Variants in TSEN34 observed in about 807,000 individuals in gnomAD.
TSEN34 encodes tRNA splicing endonuclease subunit 34.
A neutral mutation model predicts 30.2 loss-of-function variants in TSEN34; 25 were observed. The ratio of observed to expected loss-of-function variants is 0.83; its 90% CI spans 0.60 to 1.16. The LOEUF (loss-of-function observed/expected upper bound fraction) is 1.16. Ranked by LOEUF, TSEN34 falls within the 50% of genes most tolerant of loss-of-function variation. The pLI, the probability that TSEN34 is intolerant of heterozygous loss-of-function variation, is 0.00. For missense variants in TSEN34, 475 were observed against 411.9 expected, an observed-to-expected ratio of 1.15 and a Z score of -1.33; for synonymous variants, 209 against 177.4, an observed-to-expected ratio of 1.18 and a Z score of -1.41.
chr19:54,193,296 C>CCTCTG lies in TSEN34; in HGVS notation c.868_872dup (p.Pro293ValfsTer101). On this transcript the variant is annotated frameshift_variant, in exon 4 of 4. Transcript: ENST00000396388. LOFTEE classifies it high-confidence loss of function. ...GAACCAGCGTCAGAAAGACCCTGCTCCTCTGTTCTCCGCAGCCTGATGGTA... is the reference window on the plus strand; with the variant it reads ...GAACCAGCGTCAGAAAGACCCTGCTCCTCTGCTCTGTTCTCCGCAGCCTGATGGTA... 1 of 1,614,178 alleles carries CCTCTG rather than the reference C, an allele frequency of 6.2e-7. No homozygotes were observed. The highest frequency in any genetic ancestry group is 8.5e-7 in the Non-Finnish European group (1 of 1,180,038).
At chr19:54,189,958 G>T, upstream of TSEN34, 1 of 351,562 alleles carries the variant, frequency 2.8e-6, no homozygotes, top group Admixed American at 4.7e-5. Context: ...GGTTTACTTC[G>T]TAGATAGTTG....
rs749845322 is a variant in TSEN34 at position 54,193,215 on chromosome 19, C to G, written c.786C>G (p.Cys262Trp). 1 of 1,614,052 alleles carries G rather than the reference C, an allele frequency of 6.2e-7. No homozygotes were observed. The highest frequency in any genetic ancestry group is 8.5e-7 in the Non-Finnish European group (1 of 1,180,032). ...LRFHAHYIAQ[C>W]WAPEDTIPLQ... ...TCCACGCCCATTATATCGCTCAGTG[C>G]TGGGCCCCTGAGGACACCATCCCAC... The change falls in exon 4 of 4, where the codon TGC becomes TGG. Residue 262 changes from cysteine (C) to tryptophan (W), a missense_variant. By Grantham distance (215) the Cys-to-Trp change is radical. Coordinates refer to ENST00000396388, the MANE Select transcript of TSEN34 (RefSeq NM_001077446.4).
At position 54,194,470 on chromosome 19, in the gene TSEN34, T is replaced by G. The variant is rs151188217; in HGVS notation, c.*1108T>G. 14 of 152,318 alleles carry G rather than the reference T, an allele frequency of 9.2e-5. No homozygotes were observed. In the East Asian group the frequency reaches 2.7e-3, roughly 29 times the overall value. 9.4% of individuals were successfully genotyped at this position (152,318 alleles called of 1,614,324 possible). The stretch of plus-strand genomic sequence containing the variant: ...CACTTATGAAATCATTTACCCATGT[T>G]TTTGCTTAAGAAAGTACTAGAACAC... On this transcript the variant is annotated 3_prime_UTR_variant, in exon 4 of 4. Coordinates refer to ENST00000396388, the MANE Select transcript of TSEN34 (RefSeq NM_001077446.4).
rs1340469612 is a variant in TSEN34, at chr19:54,191,729, A to C, written c.252A>C (p.Thr84=). The C allele has an allele frequency of 6.2e-7, 1 of 1,614,038 alleles. No individual in the cohort carries two copies. Among genetic ancestry groups the C allele is most frequent in the Admixed American group, 1.7e-5 (1 of 60,030 alleles). The stretch of plus-strand genomic sequence containing the variant: ...CGAAGTGTGCTTCTCAGGCCCTGAC[A>C]TCCTTCAAGCGCCAGCAAGAGGAGA... ...PDSRHHSLAL[T]SFKRQQEESF... Residue 84 remains threonine, a synonymous_variant, in exon 2 of 4, where the codon ACA becomes ACC. Transcript: ENST00000396388.
At chr19:54,190,292 C>T, upstream of TSEN34, 1 of 1,366,348 alleles carries the variant, frequency 7.3e-7, no homozygotes, top group Non-Finnish European at 1.0e-6. Flanking sequence ...AGGGTGTCGG[C>T]ATGAGGGGGT....
upstream of TSEN34, chr19:54,190,187 G>A: frequency 1.6e-6 from 1 of 607,804 alleles, no homozygotes; most frequent in Non-Finnish European, 2.9e-6. Flanking sequence ...GCGGAGCCAA[G>A]GTGGCCCCCG....
Position 54,191,818 on chromosome 19 carries a change from A to G in TSEN34, c.341A>G (p.Glu114Gly). The change falls in exon 2 of 4, where the codon GAG becomes GGG. Residue 114 changes from glutamate (E) to glycine (G), a missense_variant. Glu to Gly is a moderately conservative substitution (Grantham distance 98). Coordinates refer to ENST00000396388, the MANE Select transcript of TSEN34 (RefSeq NM_001077446.4). ...ARETRRQELLEKITEGQAAKK... is the reference protein window; with the variant it reads ...ARETRRQELLGKITEGQAAKK... ...GAGACCCGTCGTCAGGAGCTCCTGG[A>G]GAAGATTACGGAGGGCCAGGCTGCT... The G allele has an allele frequency of 1.2e-6, 2 of 1,614,142 alleles. No homozygotes were observed. The highest frequency in any genetic ancestry group is 1.7e-5 in the Admixed American group (1 of 60,016).
At chr19:54,190,140 A>T (rs1219627566), upstream of TSEN34, 4 of 558,550 alleles carry the variant, frequency 7.2e-6, no homozygotes. Context: ...TCCCAAGTAG[A>T]GGAGAGGAAG....
Position 54,193,791 on chromosome 19 carries a change from G to T in TSEN34, c.*429G>T. ...AAGTCACACACTTAGTAAATAGCAGGCCTGGCCTTTCAAAATTGGTTTTTC... is the reference window on the plus strand; with the variant it reads ...AAGTCACACACTTAGTAAATAGCAGTCCTGGCCTTTCAAAATTGGTTTTTC... On this transcript the variant is annotated 3_prime_UTR_variant, in exon 4 of 4. Coordinates refer to ENST00000396388, the MANE Select transcript of TSEN34 (RefSeq NM_001077446.4). 1.5e-6 allele frequency: 1 copy of T among 651,478 alleles called. No individual in the cohort carries two copies. The highest frequency in any genetic ancestry group is 2.8e-6 in the Non-Finnish European group (1 of 361,708). 40.4% of individuals were successfully genotyped at this position (651,478 alleles called of 1,614,324 possible). A position where few individuals can be genotyped will look rare whatever the true frequency, so the allele number is the denominator to read the frequency against.
At chr19:54,190,451 G>T (rs1284231650), upstream of TSEN34, 3 of 1,417,832 alleles carry the variant, frequency 2.1e-6, no homozygotes, top group African/African-American at 3.0e-5. Flanking sequence ...CCCAATTGGG[G>T]TGAGCCCGCC....
chr19:54,193,791 G>C lies in TSEN34; in HGVS notation c.*429G>C. On this transcript the variant is annotated 3_prime_UTR_variant, in exon 4 of 4. Coordinates refer to ENST00000396388, the MANE Select transcript of TSEN34 (RefSeq NM_001077446.4). ...AAGTCACACACTTAGTAAATAGCAG[G>C]CCTGGCCTTTCAAAATTGGTTTTTC... 3.1e-6 allele frequency: 2 copies of C among 651,478 alleles called. No individual in the cohort carries two copies. Among genetic ancestry groups the C allele is most frequent in the Non-Finnish European group, 5.5e-6 (2 of 361,708 alleles). 40.4% of individuals were successfully genotyped at this position (651,478 alleles called of 1,614,324 possible).
In TSEN34 at chr19:54,194,249, G is replaced by A. The variant is rs1443881126; in HGVS notation, c.*887G>A. The stretch of plus-strand genomic sequence containing the variant: ...TGTATATATATATATATTATGAAAG[G>A]AAATGAGTATTGTAATTTTAGGAGT... On this transcript the variant is annotated 3_prime_UTR_variant, in exon 4 of 4. Transcript: ENST00000396388. 1.3e-5 allele frequency: 2 copies of A among 151,716 alleles called. No individual in the cohort carries two copies. Among genetic ancestry groups the A allele is most frequent in the Admixed American group, 1.3e-4 (2 of 15,186 alleles). The allele number at this position is 151,716 out of a possible 1,614,324, so 9.4% of individuals were successfully genotyped here.
upstream of TSEN34, chr19:54,191,291 T>G: frequency 1.9e-6 from 3 of 1,541,918 alleles, no homozygotes; most frequent in Non-Finnish European, 2.6e-6. Context: ...CCCCGGAGGC[T>G]TTGGGTGCGC....
Position 54,191,812 on chromosome 19 carries a change from T to C in TSEN34, c.335T>C (p.Leu112Pro). ...GCCCGGGAGACCCGTCGTCAGGAGC[T>C]CCTGGAGAAGATTACGGAGGGCCAG... is the stretch of plus-strand genomic sequence containing the variant. ...AEARETRRQELLEKITEGQAA... is the reference protein window; with the variant it reads ...AEARETRRQEPLEKITEGQAA... Residue 112 changes from leucine to proline, a missense_variant, in exon 2 of 4, where the codon CTC (leucine) becomes CCC (proline). Transcript: ENST00000396388. 1 of 1,614,052 alleles carries C rather than the reference T, an allele frequency of 6.2e-7. No individual in the cohort carries two copies. The highest frequency in any genetic ancestry group is 8.5e-7 in the Non-Finnish European group (1 of 1,179,994).
upstream of TSEN34, chr19:54,191,011 T>G: frequency 8.8e-7 from 1 of 1,130,704 alleles, no homozygotes. Context: ...TTGCGGAGGT[T>G]TGTTTTTCAC....
At chr19:54,190,491 G>A (rs16985461), upstream of TSEN34, 89 of 1,378,560 alleles carry the variant, frequency 6.5e-5, 1 homozygote, top group East Asian at 2.6e-3. Flanking sequence ...GGGTGTCCAG[G>A]GGGCGGGGCT....
rs2076711530 is a variant in TSEN34 at position 54,191,762 on chromosome 19, G to A, written c.285G>A (p.Gln95=). 1 of 1,614,190 alleles carries A rather than the reference G, an allele frequency of 6.2e-7. No homozygotes were observed. Among genetic ancestry groups the A allele is most frequent in the South Asian group, 1.1e-5 (1 of 91,090 alleles). The change falls in exon 2 of 4, where the codon CAG becomes CAA. Residue 95 remains glutamine (Q), a synonymous_variant. Transcript: ENST00000396388. Reference sequence around the variant, plus strand: ...AGCGCCAGCAAGAGGAGAGCTTCCAGGAGCAGAGCGCCTTGGCAGCTGAGG... The same window carrying A: ...AGCGCCAGCAAGAGGAGAGCTTCCAAGAGCAGAGCGCCTTGGCAGCTGAGG... The part of the protein sequence containing the change: ...SFKRQQEESF[Q]EQSALAAEAR...
Position 54,192,378 on chromosome 19 carries a change from G to A in TSEN34, c.745+5G>A, listed in dbSNP as rs909808291. ...GTGACTTCCTGGTCTATCCTGGTGAGTATGGGTTGGGGCCTCTGGTTGCTG... is the reference window on the plus strand; with the variant it reads ...GTGACTTCCTGGTCTATCCTGGTGAATATGGGTTGGGGCCTCTGGTTGCTG... On this transcript the variant is annotated splice_donor_5th_base_variant and intron_variant, in intron 3 of 3. Coordinates refer to ENST00000396388, the MANE Select transcript of TSEN34 (RefSeq NM_001077446.4). The A allele has an allele frequency of 6.2e-7, 1 of 1,614,114 alleles. No individual in the cohort carries two copies. Among genetic ancestry groups the A allele is most frequent in the Non-Finnish European group, 8.5e-7 (1 of 1,180,012 alleles).
upstream of TSEN34, chr19:54,190,318 T>G (rs1275606305): frequency 6.7e-7 from 1 of 1,495,870 alleles, no homozygotes; most frequent in Non-Finnish European, 9.1e-7. Context: ...AAGGAGCGCG[T>G]GGCGCGGTGC....
Sources: gnomAD v4.1 joint callset for allele counts on GRCh38, gnomAD v4.1.1 for gene constraint, MANE v1.5 for transcripts, NCBI Gene and HGNC (gene_info 2026-07-23, HGNC 2026-07-21) for gene names.